The following LMBRD1 variants were observed in gnomAD, a reference collection of about 807,000 sequenced individuals.
LMBRD1 encodes lysosomal cobalamin transport escort protein LMBD1.
A neutral mutation model predicts 74.8 loss-of-function variants in LMBRD1; 64 were observed. The observed-to-expected ratio is 0.86, with a 90% CI of 0.70 to 1.05. The LOEUF (loss-of-function observed/expected upper bound fraction) is 1.05. Ranked by LOEUF, LMBRD1 falls within the 50% of genes least tolerant of loss-of-function variation. LMBRD1 has a pLI of 0.00. For synonymous variants in LMBRD1, 204 were observed against 216.3 expected (o/e 0.94, Z 0.50); for missense variants, 652 against 645.9 (o/e 1.01, Z -0.10).
At chr6:69,762,376 C>G (rs558319665) in intron 3 of LMBRD1, among the ~76,000 whole-genome samples, 2 of 150,944 alleles carry the variant, frequency 1.3e-5, no homozygotes, top group African/African-American at 4.9e-5. Flanking sequence ...TTTGTGTGGC[C>G]GAGACAAGAG....
intron 1 of LMBRD1, among the ~76,000 whole-genome samples, chr6:69,792,146 A>G (rs187710324): frequency 8.5e-5 from 13 of 152,362 alleles, no homozygotes; most frequent in Non-Finnish European, 1.8e-4. Flanking sequence ...AGAAACTCCA[A>G]ACCTCACCGT....
At chr6:69,728,962 T>C (rs887099467) in intron 7 of LMBRD1, among the ~76,000 whole-genome samples, 9 of 151,768 alleles carry the variant, frequency 5.9e-5, no homozygotes, top group Admixed American at 1.3e-4. Context: ...TATATGAACA[T>C]ATAAAATTGT....
intron 1 of LMBRD1, among the ~76,000 whole-genome samples, chr6:69,793,118 CAGT>C (rs1297164128): frequency 6.6e-6 from 1 of 152,132 alleles, no homozygotes; most frequent in East Asian, 1.9e-4. Flanking sequence ...GCTTAACAAA[CAGT>C]AGTAGTTATT....
At chr6:69,690,349 C>T (rs1434994560) in intron 14 of LMBRD1, among the ~76,000 whole-genome samples, 1 of 152,034 alleles carries the variant, frequency 6.6e-6, no homozygotes, top group Non-Finnish European at 1.5e-5. Flanking sequence ...AACAAAAATG[C>T]TCAAAACTAA....
chr6:69,749,706 T>C (rs962674996), intron 4 of LMBRD1, among the ~76,000 whole-genome samples: 1 of 151,492 alleles, frequency 6.6e-6, no homozygotes, highest in East Asian at 1.9e-4. Context: ...GAATATGTAA[T>C]AAAATATTCC....
intron 14 of LMBRD1, among the ~76,000 whole-genome samples, chr6:69,690,597 TA>T (rs958855148): frequency 2.7e-4 from 41 of 152,042 alleles, no homozygotes; most frequent in Non-Finnish European, 5.7e-4. Flanking sequence ...AAATATAAGA[TA>T]AAAAAACCCC....
intron 14 of LMBRD1, among the ~76,000 whole-genome samples, chr6:69,696,767 C>T (rs1766010055): frequency 6.6e-6 from 1 of 152,126 alleles, no homozygotes; most frequent in Non-Finnish European, 1.5e-5. Flanking sequence ...TCCTAATACT[C>T]TATTACATTA....
intron 3 of LMBRD1, among the ~76,000 whole-genome samples, chr6:69,758,954 A>C (rs1316350971): frequency 6.6e-6 from 1 of 152,096 alleles, no homozygotes; most frequent in African/African-American, 2.4e-5. Context: ...TAATAGGGTC[A>C]ATCACTCCAT....
At chr6:69,705,637 C>A in intron 9 of LMBRD1, 1 of 890,492 alleles carries the variant, frequency 1.1e-6, no homozygotes, top group Non-Finnish European at 1.8e-6. Flanking sequence ...TCAAAATCAT[C>A]ATTATCACCA....
At position 69,698,892 on chromosome 6, in the gene LMBRD1, G is replaced by A. The variant is rs1477445988; in HGVS notation, c.1338+151C>T. On this transcript the variant is annotated intron_variant, in intron 13 of 15. Coordinates refer to ENST00000649934, the MANE Select transcript of LMBRD1 (RefSeq NM_018368.4). Reference sequence around the variant, plus strand: ...AACAGTATGAAACAAATATAAATATGCTAAAAATAGAAATAAAAAACCAGT... The same window carrying A: ...AACAGTATGAAACAAATATAAATATACTAAAAATAGAAATAAAAAACCAGT... 3 of 606,352 alleles carry A rather than the reference G, an allele frequency of 4.9e-6. No individual in the cohort carries two copies. The African/African-American group carries it at 5.6e-5, about 11-fold the overall frequency. 37.6% of individuals were successfully genotyped at this position (606,352 alleles called of 1,614,324 possible). A position where few individuals can be genotyped will look rare whatever the true frequency, so the allele number is the denominator to read the frequency against.
chr6:69,700,405 G>T (rs1766100747), intron 12 of LMBRD1, among the ~76,000 whole-genome samples: 1 of 151,712 alleles, frequency 6.6e-6, no homozygotes, highest in African/African-American at 2.4e-5. Context: ...TTGGACCAGG[G>T]TTTCTCAACC....
chr6:69,704,270 C>T (rs1469133502), intron 9 of LMBRD1, among the ~76,000 whole-genome samples: 3 of 152,078 alleles, frequency 2.0e-5, no homozygotes, highest in Non-Finnish European at 4.4e-5. Flanking sequence ...CCACTGATGC[C>T]TCTTCCCAGA....
At chr6:69,705,436 C>T in intron 9 of LMBRD1, 1 of 1,308,242 alleles carries the variant, frequency 7.6e-7, no homozygotes. Context: ...GCTTTAATGT[C>T]TTCTACAGAA....
At chr6:69,680,866 C>A (rs1448825932) in intron 14 of LMBRD1, among the ~76,000 whole-genome samples, 1 of 152,082 alleles carries the variant, frequency 6.6e-6, no homozygotes, top group Non-Finnish European at 1.5e-5. Flanking sequence ...TCTTCACCAT[C>A]TGCCATCTTC....
At position 69,674,579 on chromosome 6, in the gene LMBRD1, G is replaced by C. The variant is rs1765509159; in HGVS notation, c.*1579C>G. Reference sequence around the variant, plus strand: ...ATACTTCAATTTTCAAAATGTTACAGTTGAAGCAGTAATTTCTAGCTAAAA... The same window carrying C: ...ATACTTCAATTTTCAAAATGTTACACTTGAAGCAGTAATTTCTAGCTAAAA... On this transcript the variant is annotated 3_prime_UTR_variant, in exon 16 of 16. Transcript: ENST00000649934. Among the ~76,000 whole-genome samples the C allele has an allele frequency of 6.6e-6, 1 of 152,192 alleles. No individual in the cohort carries two copies. Among genetic ancestry groups the C allele is most frequent in the East Asian group, 1.9e-4 (1 of 5,196 alleles).
At chr6:69,709,953 A>G (rs564246733) in intron 9 of LMBRD1, among the ~76,000 whole-genome samples, 1 of 152,316 alleles carries the variant, frequency 6.6e-6, no homozygotes, top group Non-Finnish European at 1.5e-5. Flanking sequence ...AAATTTATCT[A>G]TAAGAGTGAA....
Position 69,718,960 on chromosome 6 carries a change from G to C in LMBRD1, c.758C>G (p.Ser253Ter). Residue 253 changes from serine to a stop codon, truncating the protein, a stop_gained, in exon 8 of 16, where the codon TCA becomes TGA. Coordinates refer to ENST00000649934, the MANE Select transcript of LMBRD1 (RefSeq NM_018368.4). LOFTEE classifies it high-confidence loss of function. ...TACACCAAAACATCAACTCACTTTT[G>C]ATTTAATCGTTTGAATGTGTTGTTC... ...EVEQHIQTIK[S>*]KSKDGRPLPA... 1 of 1,613,200 alleles carries C rather than the reference G, an allele frequency of 6.2e-7. No homozygotes were observed. Among genetic ancestry groups the C allele is most frequent in the East Asian group, 2.2e-5 (1 of 44,812 alleles).
chr6:69,794,899 T>C (rs1766177806), intron 1 of LMBRD1, among the ~76,000 whole-genome samples: 1 of 152,208 alleles, frequency 6.6e-6, no homozygotes, highest in African/African-American at 2.4e-5. Flanking sequence ...CAAGATGGGC[T>C]AATGGATTTT....
intron 14 of LMBRD1, among the ~76,000 whole-genome samples, chr6:69,685,512 A>G (rs1468845041): frequency 6.6e-6 from 1 of 152,100 alleles, no homozygotes; most frequent in African/African-American, 2.4e-5. Flanking sequence ...CTAAATCAAA[A>G]ACTTTGGGTC....
Sources: gnomAD v4.1 joint callset for allele counts (sites outside exome capture counted in the v4.1 genomes callset) on GRCh38, gnomAD v4.1.1 for gene constraint, MANE v1.5 for transcripts, NCBI Gene and HGNC (gene_info 2026-07-23, HGNC 2026-07-21) for gene names.